Variants in HS3ST4 observed in about 807,000 individuals in gnomAD.
The protein encoded by HS3ST4 is heparan sulfate-glucosamine 3-sulfotransferase 4, also known as heparan sulfate glucosamine 3-O-sulfotransferase 4.
HS3ST4 carries 17 observed loss-of-function variants against 29.2 expected under a neutral mutation model. The observed-to-expected ratio is 0.58, with a 90% CI of 0.40 to 0.87. HS3ST4 has a LOEUF of 0.87. HS3ST4 is among the 40% of genes least tolerant of loss of function. The probability of loss-of-function intolerance (pLI) is 0.00; values close to 1 mark genes in which losing one functional copy is unlikely to be tolerated. For missense variants in HS3ST4, 627 were observed against 634.5 expected, an observed-to-expected ratio of 0.99 and a Z score of 0.13; for synonymous variants, 314 against 285.7, an observed-to-expected ratio of 1.10 and a Z score of -1.00.
At chr16:26,075,182 ACT>A (rs575065475) in intron 1 of HS3ST4, among the ~76,000 whole-genome samples, 60 of 151,972 alleles carry the variant, frequency 3.9e-4, no homozygotes, top group Non-Finnish European at 7.1e-4. Context: ...ACAGAGTGAG[ACT>A]CTGTCTCAAA....
chr16:25,921,478 A>G (rs7200813), intron 1 of HS3ST4, among the ~76,000 whole-genome samples: 43,611 of 152,102 alleles, frequency 0.29, 7,087 homozygotes, highest in African/African-American at 0.42. Context: ...ATTTAAATTG[A>G]GTTGACATGA....
intron 1 of HS3ST4, among the ~76,000 whole-genome samples, chr16:25,867,845 T>C (rs143679920): frequency 6.6e-6 from 1 of 152,070 alleles, no homozygotes; most frequent in African/African-American, 2.4e-5. Flanking sequence ...TGTAGGTTAG[T>C]CTTCATCGGG....
intron 1 of HS3ST4, among the ~76,000 whole-genome samples, chr16:26,007,790 G>T (rs113154041): frequency 0.019 from 2,827 of 152,162 alleles, 99 homozygotes; most frequent in African/African-American, 0.062. Context: ...TAAATGGGGG[G>T]TTATGAGGCA....
intron 1 of HS3ST4, among the ~76,000 whole-genome samples, chr16:26,038,042 C>T (rs1969599638): frequency 6.6e-6 from 1 of 152,170 alleles, no homozygotes; most frequent in African/African-American, 2.4e-5. Flanking sequence ...TTCCCAAAAC[C>T]TTACATGATA....
intron 1 of HS3ST4, among the ~76,000 whole-genome samples, chr16:25,804,882 C>A (rs147366305): frequency 6.6e-6 from 1 of 152,210 alleles, no homozygotes; most frequent in East Asian, 1.9e-4. Context: ...AATATTAACA[C>A]TTAATAATTG....
At chr16:25,834,392 G>A (rs1422145640) in intron 1 of HS3ST4, among the ~76,000 whole-genome samples, 2 of 152,148 alleles carry the variant, frequency 1.3e-5, no homozygotes, top group South Asian at 2.1e-4. Flanking sequence ...TGGCATTGAG[G>A]TGCAAAAAGA....
intron 1 of HS3ST4, among the ~76,000 whole-genome samples, chr16:26,019,367 T>C (rs1969389541): frequency 6.6e-6 from 1 of 152,246 alleles, no homozygotes; most frequent in South Asian, 2.1e-4. Flanking sequence ...GGTATTTTAA[T>C]GCTCTTAAGC....
chr16:25,900,885 T>A (rs1358391736), intron 1 of HS3ST4, among the ~76,000 whole-genome samples: 1 of 152,138 alleles, frequency 6.6e-6, no homozygotes. Flanking sequence ...TAGTCCTAGA[T>A]TACATGATTA....
chr16:25,777,789 C>T (rs994329752), intron 1 of HS3ST4, among the ~76,000 whole-genome samples: 10 of 151,760 alleles, frequency 6.6e-5, no homozygotes, highest in Non-Finnish European at 1.2e-4. Flanking sequence ...ACAAAGAAAT[C>T]GAAACAGCAA....
chr16:26,065,155 T>G (rs978601129), intron 1 of HS3ST4, among the ~76,000 whole-genome samples: 3 of 152,156 alleles, frequency 2.0e-5, no homozygotes, highest in East Asian at 3.9e-4. Context: ...AACATACTAT[T>G]ATAAAGACAC....
intron 1 of HS3ST4, among the ~76,000 whole-genome samples, chr16:25,968,068 G>C (rs1398150174): frequency 6.6e-6 from 1 of 152,166 alleles, no homozygotes; most frequent in Admixed American, 6.5e-5. Context: ...GAAGTGGGAG[G>C]CTCTTTCAGG....
At chr16:25,825,965 A>G (rs943725526) in intron 1 of HS3ST4, 3 of 152,234 alleles carry the variant, frequency 2.0e-5, no homozygotes, top group Admixed American at 6.5e-5. Flanking sequence ...TTAGAATCTT[A>G]GGATCCCCCT....
At position 26,135,730 on chromosome 16, in the gene HS3ST4, G is replaced by T. The variant is rs1468209386; in HGVS notation, c.853G>T (p.Val285Leu). 1 of 1,614,126 alleles carries T rather than the reference G, an allele frequency of 6.2e-7. No individual in the cohort carries two copies. The highest frequency in any genetic ancestry group is 1.7e-5 in the Admixed American group (1 of 60,024). ...HSMAKDIKLI[V>L]VVRNPVTRAI... ...CATGGCCAAGGACATCAAACTGATTGTGGTGGTGAGAAACCCCGTGACCAG... is the reference window on the plus strand; with the variant it reads ...CATGGCCAAGGACATCAAACTGATTTTGGTGGTGAGAAACCCCGTGACCAG... The change falls in exon 2 of 2, where the codon GTG becomes TTG. Residue 285 changes from valine (V) to leucine (L), a missense_variant. Coordinates refer to ENST00000331351, the MANE Select transcript of HS3ST4 (RefSeq NM_006040.3).
chr16:26,022,717 C>T (rs1291142849), intron 1 of HS3ST4, among the ~76,000 whole-genome samples: 6 of 151,396 alleles, frequency 4.0e-5, no homozygotes, highest in Admixed American at 3.3e-4. Context: ...GCTATGTTGC[C>T]CAGGCTGGTC....
chr16:25,732,356 A>G (rs940675716), intron 1 of HS3ST4, among the ~76,000 whole-genome samples: 1 of 152,240 alleles, frequency 6.6e-6, no homozygotes, highest in African/African-American at 2.4e-5. Flanking sequence ...GCTTGCAAAA[A>G]TAAATTGATA....
chr16:25,853,911 A>G (rs1430354759), intron 1 of HS3ST4, among the ~76,000 whole-genome samples: 2 of 152,186 alleles, frequency 1.3e-5, no homozygotes, highest in South Asian at 2.1e-4. Context: ...AAGTTCTTGA[A>G]AAAGTGTGAG....
At chr16:26,085,596 C>T (rs1351486712) in intron 1 of HS3ST4, among the ~76,000 whole-genome samples, 1 of 152,120 alleles carries the variant, frequency 6.6e-6, no homozygotes, top group Non-Finnish European at 1.5e-5. Flanking sequence ...CCAGGCCAGG[C>T]ACAGTGGCTC....
At chr16:26,035,651 C>T (rs1265170302) in intron 1 of HS3ST4, among the ~76,000 whole-genome samples, 1 of 152,188 alleles carries the variant, frequency 6.6e-6, no homozygotes, top group Admixed American at 6.5e-5. Context: ...TATCTCCTGC[C>T]AATACCCTAG....
chr16:26,120,477 G>A (rs929716593), intron 1 of HS3ST4, among the ~76,000 whole-genome samples: 7 of 152,322 alleles, frequency 4.6e-5, no homozygotes, highest in East Asian at 1.9e-4. Context: ...TTCTTCTGTC[G>A]TAGCCAAATG....
Sources: gnomAD v4.1 joint callset for allele counts (sites outside exome capture counted in the v4.1 genomes callset) on GRCh38, gnomAD v4.1.1 for gene constraint, MANE v1.5 for transcripts, NCBI Gene and HGNC (gene_info 2026-07-23, HGNC 2026-07-21) for gene names.